The following ABI2 variants were observed in gnomAD, a reference collection of about 807,000 sequenced individuals.
ABI2 encodes abelson interactor 2.
A neutral mutation model predicts 59.2 loss-of-function variants in ABI2; 25 were observed. The observed-to-expected ratio is 0.42, with a 90% confidence interval of 0.31 to 0.59. ABI2 has a LOEUF of 0.59. ABI2 is among the 20% of genes least tolerant of loss of function. The pLI is 0.14. For synonymous variants in ABI2, 213 were observed against 235.5 expected (o/e 0.90, Z 0.87); for missense variants, 545 against 681.8 (o/e 0.80, Z 2.23).
intron 9 of ABI2, among the ~76,000 whole-genome samples, chr2:203,408,196 C>T (rs1421104548): frequency 7.0e-6 from 1 of 142,904 alleles, no homozygotes; most frequent in Non-Finnish European, 1.5e-5. Flanking sequence ...GAGTTTTGCT[C>T]TTGTTGCCCA....
intron 1 of ABI2, among the ~76,000 whole-genome samples, chr2:203,343,561 C>G (rs1233305803): frequency 6.6e-6 from 1 of 151,998 alleles, no homozygotes; most frequent in East Asian, 1.9e-4. Flanking sequence ...CTCCTGACCT[C>G]AAAGACATCC....
At chr2:203,339,506 G>A (rs766050368) in intron 1 of ABI2, among the ~76,000 whole-genome samples, 2 of 151,080 alleles carry the variant, frequency 1.3e-5, no homozygotes, top group South Asian at 2.1e-4. Flanking sequence ...GCTTGAACCC[G>A]GGAGGCAGAG....
At chr2:203,367,259 ATT>A in intron 2 of ABI2, 1 of 545,786 alleles carries the variant, frequency 1.8e-6, no homozygotes, top group Non-Finnish European at 2.7e-6. Flanking sequence ...AATGAATTTT[ATT>A]AAAACTCAGT....
intron 1 of ABI2, among the ~76,000 whole-genome samples, chr2:203,356,930 C>A (rs2092243447): frequency 6.6e-6 from 1 of 151,480 alleles, no homozygotes; most frequent in Non-Finnish European, 1.5e-5. Flanking sequence ...TTGTTCCTGT[C>A]TTTTTTGTGG....
rs755505116 is a variant in ABI2 at position 203,362,487 on chromosome 2, AT to A, written c.118-4386del. ...CATTTTAAATATTGAGTTTTACTAT[AT>A]TTTATTTTGTTTTTTCTACTGGTAT... On this transcript the variant is annotated intron_variant, in intron 1 of 11. Transcript: ENST00000261018. Among the ~76,000 whole-genome samples the A allele has an allele frequency of 1.7e-4, 26 of 151,942 alleles. 1 individual carries two copies. The highest frequency in any genetic ancestry group is 3.4e-3 in the Middle Eastern group (1 of 294).
intron 9 of ABI2, among the ~76,000 whole-genome samples, 168 bp downstream of exon 9, chr2:203,402,902 T>C (rs900766309): frequency 2.0e-5 from 3 of 152,236 alleles, no homozygotes; most frequent in Non-Finnish European, 4.4e-5. Context: ...CTTTCAATTC[T>C]TTAAAAAAAA....
chr2:203,385,799 A>G (rs1479675733), intron 4 of ABI2, among the ~76,000 whole-genome samples: 1 of 152,084 alleles, frequency 6.6e-6, no homozygotes, highest in Non-Finnish European at 1.5e-5. Context: ...CAGTTGTTAG[A>G]ATCTGTTTTC....
chr2:203,430,108 G>C lies in ABI2; in HGVS notation c.*2756G>C, dbSNP rs1311336879. 1.3e-5 allele frequency: 2 copies of C among 152,182 alleles called. No individual in the cohort carries two copies. The highest frequency in any genetic ancestry group is 2.9e-5 in the Non-Finnish European group (2 of 68,028). The allele number at this position is 152,182 out of a possible 1,614,324, so 9.4% of individuals were successfully genotyped here. On this transcript the variant is annotated 3_prime_UTR_variant, in exon 12 of 12. Transcript: ENST00000261018. ...TACTGTGTGATGGGTCAGGCACACA[G>C]TAATTGGAGACTTTTAATGTATGTA...
In ABI2 at chr2:203,395,743, TG is replaced by T; in HGVS notation, c.814del (p.Ala272LeufsTer82). 6.2e-7 allele frequency: 1 copy of T among 1,609,928 alleles called. No individual in the cohort carries two copies. Among genetic ancestry groups the T allele is most frequent in the South Asian group, 1.1e-5 (1 of 90,286 alleles). Reference protein sequence around the residue: ...SGSGSVGVPIAVPTPSPPSVF... With the variant: ...SGSGSVGVPIXVPTPSPPSVF... ...GAAGTGGTAGTGTGGGGGTTCCTAT[TG>T]CTGTTCCTACTCCATCTCCTCCCAG... On this transcript the variant is annotated frameshift_variant, in exon 7 of 12. Coordinates refer to ENST00000261018, the MANE Select transcript of ABI2 (RefSeq NM_001375670.1). LOFTEE classifies it high-confidence loss of function.
intron 8 of ABI2, among the ~76,000 whole-genome samples, chr2:203,398,710 C>A (rs1175932001): frequency 6.6e-6 from 1 of 152,148 alleles, no homozygotes; most frequent in Non-Finnish European, 1.5e-5. Context: ...ATAGTCAGTC[C>A]TTCCCTTCCA....
At chr2:203,348,494 TTA>T (rs2085213730) in intron 1 of ABI2, among the ~76,000 whole-genome samples, 1 of 152,140 alleles carries the variant, frequency 6.6e-6, no homozygotes, top group South Asian at 2.1e-4. Flanking sequence ...ATATGGTCAG[TTA>T]TATGTTATAT....
chr2:203,415,973 T>C (rs990971702), intron 10 of ABI2, among the ~76,000 whole-genome samples: 1 of 152,220 alleles, frequency 6.6e-6, no homozygotes, highest in South Asian at 2.1e-4. Flanking sequence ...CCTGAAGAAA[T>C]TCTGAATTAT....
rs2153623858 is a variant in ABI2, at chr2:203,429,582, C to T, written c.*2230C>T. 1 of 152,092 alleles carries T rather than the reference C, an allele frequency of 6.6e-6. No individual in the cohort carries two copies. Among genetic ancestry groups the T allele is most frequent in the African/African-American group, 2.4e-5 (1 of 41,462 alleles). 9.4% of individuals were successfully genotyped at this position (152,092 alleles called of 1,614,324 possible). On this transcript the variant is annotated 3_prime_UTR_variant, in exon 12 of 12. Coordinates refer to ENST00000261018, the MANE Select transcript of ABI2 (RefSeq NM_001375670.1). ...GACCATCCTGGCCAACATGGTGAAA[C>T]CCCATCTCTACTAAAAACACAAAAA...
intron 2 of ABI2, among the ~76,000 whole-genome samples, chr2:203,373,658 A>G (rs2095475522): frequency 6.6e-6 from 1 of 152,210 alleles, no homozygotes; most frequent in South Asian, 2.1e-4. Flanking sequence ...AACATAAAGA[A>G]CTTAAGAAAG....
At chr2:203,374,164 C>T (rs1392460307) in intron 2 of ABI2, among the ~76,000 whole-genome samples, 1 of 151,758 alleles carries the variant, frequency 6.6e-6, no homozygotes, top group Non-Finnish European at 1.5e-5. Flanking sequence ...GTCTCAACAA[C>T]CCAAAACACA....
At chr2:203,360,027 G>T (rs1388631789) in intron 1 of ABI2, among the ~76,000 whole-genome samples, 2 of 151,682 alleles carry the variant, frequency 1.3e-5, no homozygotes, top group Admixed American at 6.6e-5. Flanking sequence ...CCTGCTAAAA[G>T]TACAGAAATT....
intron 1 of ABI2, among the ~76,000 whole-genome samples, chr2:203,336,342 A>G (rs60905637): frequency 0.45 from 69,087 of 152,144 alleles, 17,622 homozygotes; most frequent in Middle Eastern, 0.71. Flanking sequence ...GTACCCTGGT[A>G]ACAGTGGATG....
chr2:203,379,919 G>GT (rs985311734), intron 2 of ABI2, among the ~76,000 whole-genome samples: 16 of 152,068 alleles, frequency 1.1e-4, no homozygotes, highest in Middle Eastern at 3.4e-3. Flanking sequence ...TCACGTGAAG[G>GT]TTTTTTTTGG....
chr2:203,358,103 GTGTGTGTGTGTTTGTT>G (rs1303518530), intron 1 of ABI2, among the ~76,000 whole-genome samples: 41 of 146,528 alleles, frequency 2.8e-4, no homozygotes, highest in African/African-American at 7.5e-4. Context: ...GTGTGTGTGT[GTGTGTGTGTGTTTGTT>G]TGTTTGTTTG....
Sources: allele counts gnomAD v4.1 joint callset (sites outside exome capture counted in the v4.1 genomes callset), GRCh38; gene constraint gnomAD v4.1.1; transcripts MANE v1.5; gene names NCBI Gene and HGNC (gene_info 2026-07-23, HGNC 2026-07-21).